Variants in GOLIM4 observed in about 807,000 individuals in gnomAD.
GOLIM4 encodes 130 kDa golgi-localized phosphoprotein.
In GOLIM4, 71 loss-of-function variants were observed where a neutral mutation model predicts 107.4. That is an observed-to-expected ratio of 0.66 (90% CI 0.55 to 0.81). GOLIM4 has a LOEUF of 0.81. Ranked by LOEUF, GOLIM4 falls within the 30% of genes least tolerant of loss-of-function variation. GOLIM4 has a pLI of 0.00. For synonymous variants in GOLIM4, 327 were observed against 294.8 expected (o/e 1.11, Z -1.12); for missense variants, 830 against 826.1 (o/e 1.00, Z -0.06).
intron 14 of GOLIM4, among the ~76,000 whole-genome samples, chr3:168,024,195 A>T (rs1486482694): frequency 6.6e-6 from 1 of 152,306 alleles, no homozygotes; most frequent in Non-Finnish European, 1.5e-5. Context: ...AGATTCCCTC[A>T]ATGTGCAGAG....
At chr3:168,025,369 C>G (rs532366024) in intron 12 of GOLIM4, among the ~76,000 whole-genome samples, 31 of 152,248 alleles carry the variant, frequency 2.0e-4, no homozygotes, top group African/African-American at 7.2e-4. Flanking sequence ...TCTACTGACA[C>G]AAGTAATGTG....
At position 168,095,375 on chromosome 3, in the gene GOLIM4, T is replaced by A; in HGVS notation, c.-90A>T. The A allele has an allele frequency of 9.2e-7, 1 of 1,087,106 alleles. No homozygotes were observed. The highest frequency in any genetic ancestry group is 1.3e-6 in the Non-Finnish European group (1 of 743,530). The allele number at this position is 1,087,106 out of a possible 1,614,324, so 67.3% of individuals were successfully genotyped here. On this transcript the variant is annotated 5_prime_UTR_variant, in exon 1 of 16. Transcript: ENST00000470487. ...TCTCAGCAGCGGCCGCCGCAGTAGG[T>A]GGCCAGACGCAGCATGAGGAGGAGA...
In GOLIM4 at chr3:168,046,961, T is replaced by G; in HGVS notation, c.301A>C (p.Asn101His). The change falls in exon 3 of 16, where the codon AAT (asparagine) becomes CAT (histidine). Residue 101 changes from asparagine (N) to histidine (H), a missense_variant. Physicochemically the swap from Asn to His is moderately conservative, Grantham distance 68. Transcript: ENST00000470487. ...AAAACAAAACTTACCCTTCCTTTAT[T>G]TAATGTTTCTTGTGCTTCTAACTTA... ...VYKLEAQETL[N>H]KGRQDSNSRY... is the part of the protein sequence containing the mutation. 3 of 1,355,196 alleles carry G rather than the reference T, an allele frequency of 2.2e-6. No individual in the cohort carries two copies. The highest frequency in any genetic ancestry group is 2.0e-6 in the Non-Finnish European group (2 of 987,240). 83.9% of individuals were successfully genotyped at this position (1,355,196 alleles called of 1,614,324 possible).
intron 1 of GOLIM4, among the ~76,000 whole-genome samples, chr3:168,084,939 T>C (rs1017691600): frequency 2.6e-5 from 4 of 152,038 alleles, no homozygotes; most frequent in African/African-American, 7.3e-5. Flanking sequence ...CAGCAGTCAC[T>C]TATAGTTACA....
At chr3:168,055,614 T>C (rs1050697378) in intron 1 of GOLIM4, among the ~76,000 whole-genome samples, 11 of 151,918 alleles carry the variant, frequency 7.2e-5, no homozygotes, top group African/African-American at 2.7e-4. Flanking sequence ...CTGGCTAACA[T>C]GGTAAAACCC....
chr3:168,080,243 G>GA (rs1331675848), intron 1 of GOLIM4, among the ~76,000 whole-genome samples: 8 of 152,160 alleles, frequency 5.3e-5, no homozygotes, highest in African/African-American at 1.7e-4. Flanking sequence ...CTGTCCAACA[G>GA]AAACGCACTC....
intron 1 of GOLIM4, among the ~76,000 whole-genome samples, chr3:168,050,592 A>ACT (rs1288032297): frequency 1.3e-5 from 2 of 151,728 alleles, no homozygotes; most frequent in African/African-American, 4.8e-5. Context: ...AAGGAAAAAC[A>ACT]CTCCCTTCAC....
rs143764950 is a variant in GOLIM4, at chr3:168,038,181, G to T, written c.685-1187C>A. Reference sequence around the variant, plus strand: ...AAAGGTGCACCATATGACTAGCAATGGCCTTTATCTGAGAAATCTAAATAT... The same window carrying T: ...AAAGGTGCACCATATGACTAGCAATTGCCTTTATCTGAGAAATCTAAATAT... On this transcript the variant is annotated intron_variant, in intron 7 of 15. Transcript: ENST00000470487. Among the ~76,000 whole-genome samples, 80 of 152,276 alleles carry T rather than the reference G, an allele frequency of 5.3e-4. 1 individual carries two copies. The highest frequency in any genetic ancestry group is 1.5e-3 in the African/African-American group (63 of 41,558).
At position 168,025,101 on chromosome 3, in the gene GOLIM4, A is replaced by C. The variant is rs1717925289; in HGVS notation, c.1624-6T>G. ...ATATCTTCTACAGCTGCCCTCTGTA[A>C]AATTTTAATAAAAAGCAACTATCAC... On this transcript the variant is annotated splice_polypyrimidine_tract_variant and splice_region_variant and intron_variant, in intron 12 of 15. Coordinates refer to ENST00000470487, the MANE Select transcript of GOLIM4 (RefSeq NM_014498.5). 2.5e-6 allele frequency: 4 copies of C among 1,597,026 alleles called. No individual in the cohort carries two copies. The highest frequency in any genetic ancestry group is 3.4e-6 in the Non-Finnish European group (4 of 1,173,246).
rs1370123788 is a variant in GOLIM4, at chr3:168,036,848, T to G, written c.831A>C (p.Arg277=). The G allele has an allele frequency of 6.2e-6, 10 of 1,612,850 alleles. No homozygotes were observed. The highest frequency in any genetic ancestry group is 6.8e-6 in the Non-Finnish European group (8 of 1,179,184). ...TCACGCCCCTTACCTCCTGCACCTC[T>G]CGGGTTGGCTTCTCCCTTGCTGTGT... ...GYNTAREKPT[R]EVQEVSRNND... The change falls in exon 8 of 16, where the codon CGA becomes CGC. Residue 277 remains arginine (R), a synonymous_variant. Transcript: ENST00000470487.
rs895015651 is a variant in GOLIM4, at chr3:168,008,838, T to G, written c.*1431A>C. 2.0e-5 allele frequency: 3 copies of G among 152,132 alleles called. No individual in the cohort carries two copies. The highest frequency in any genetic ancestry group is 2.9e-5 in the Non-Finnish European group (2 of 68,004). 9.4% of individuals were successfully genotyped at this position (152,132 alleles called of 1,614,324 possible). A position where few individuals can be genotyped will look rare whatever the true frequency, so the allele number is the denominator to read the frequency against. ...ACAATATTATACATTTTACATTACA[T>G]AATGGGTTTTTATACATAAAGGTAA... On this transcript the variant is annotated 3_prime_UTR_variant, in exon 16 of 16. Transcript: ENST00000470487.
At chr3:168,073,984 C>A (rs911253777) in intron 1 of GOLIM4, among the ~76,000 whole-genome samples, 2 of 152,308 alleles carry the variant, frequency 1.3e-5, no homozygotes, top group East Asian at 3.9e-4. Context: ...TATGTCACCA[C>A]CAAGATGAGG....
rs181295515 is a variant in GOLIM4 at position 168,092,045 on chromosome 3, C to G, written c.187+3054G>C. ...ACTTTTGAAGCCTGGGTTCCACCCCCCATAGACTGTTATTTAATTGGTCTG... is the reference window on the plus strand; with the variant it reads ...ACTTTTGAAGCCTGGGTTCCACCCCGCATAGACTGTTATTTAATTGGTCTG... On this transcript the variant is annotated intron_variant, in intron 1 of 15. Coordinates refer to ENST00000470487, the MANE Select transcript of GOLIM4 (RefSeq NM_014498.5). 3.9e-5 allele frequency among the ~76,000 whole-genome samples: 6 copies of G among 152,304 alleles called. No homozygotes were observed. The East Asian group carries it at 9.6e-4, about 24-fold the overall frequency.
At chr3:168,044,051 T>C (rs78131326) in intron 4 of GOLIM4, among the ~76,000 whole-genome samples, 4,555 of 152,352 alleles carry the variant, frequency 0.03, 215 homozygotes, top group African/African-American at 0.1. Flanking sequence ...TTTCCGATTA[T>C]AATCCTACAA....
chr3:168,059,924 G>A (rs1260684700), intron 1 of GOLIM4, among the ~76,000 whole-genome samples: 2 of 152,112 alleles, frequency 1.3e-5, no homozygotes, highest in African/African-American at 4.8e-5. Flanking sequence ...TAGGAAAGCT[G>A]TACAGTGCAA....
chr3:168,026,734 A>T lies in GOLIM4; in HGVS notation c.1623+994T>A, dbSNP rs1450686816. On this transcript the variant is annotated intron_variant, in intron 12 of 15. Coordinates refer to ENST00000470487, the MANE Select transcript of GOLIM4 (RefSeq NM_014498.5). ...CTCAAGTATTAGCCTTTTCCTGAAA[A>T]TATTTCAGGACTAGGTTCCCTGGAG... Among the ~76,000 whole-genome samples the T allele has an allele frequency of 2.0e-5, 3 of 152,150 alleles. 1 individual carries two copies. The highest frequency in any genetic ancestry group is 2.0e-4 in the Admixed American group (3 of 15,280).
At chr3:168,080,828 G>A (rs2108288595) in intron 1 of GOLIM4, among the ~76,000 whole-genome samples, 1 of 152,258 alleles carries the variant, frequency 6.6e-6, no homozygotes, top group South Asian at 2.1e-4. Flanking sequence ...AAACTACTGT[G>A]AAATTTTTCA....
intron 1 of GOLIM4, among the ~76,000 whole-genome samples, chr3:168,070,976 C>CT (rs1720804780): frequency 6.6e-6 from 1 of 152,136 alleles, no homozygotes; most frequent in Non-Finnish European, 1.5e-5. Flanking sequence ...AAGGTGATAG[C>CT]TTTTTTGTCT....
Position 168,095,289 on chromosome 3 carries a change from C to A in GOLIM4, c.-4G>T. 1.9e-6 allele frequency: 3 copies of A among 1,610,816 alleles called. No homozygotes were observed. Among genetic ancestry groups the A allele is most frequent in the Non-Finnish European group, 2.5e-6 (3 of 1,179,220 alleles). On this transcript the variant is annotated 5_prime_UTR_variant, in exon 1 of 16. Transcript: ENST00000470487. ...GGGAGCACATCCCGTTTCCCATAGT[C>A]CCGCCTGGACCCAAAGCCGCGGCCG...
Sources: allele counts gnomAD v4.1 joint callset (sites outside exome capture counted in the v4.1 genomes callset), GRCh38; gene constraint gnomAD v4.1.1; transcripts MANE v1.5; gene names NCBI Gene and HGNC (gene_info 2026-07-23, HGNC 2026-07-21).